CCDC60: variants seen among roughly 807,000 people sequenced by gnomAD.
CCDC60 encodes the protein coiled-coil domain-containing protein 60.
A neutral mutation model predicts 63.5 loss-of-function variants in CCDC60; 54 were observed. That is an observed-to-expected ratio of 0.85 (90% confidence interval 0.68 to 1.07). CCDC60 has a LOEUF of 1.07. Among genes scored for constraint, CCDC60 ranks in the 50% least tolerant of loss-of-function variants. The probability of loss-of-function intolerance (pLI) is 0.00; values close to 1 mark genes in which losing one functional copy is unlikely to be tolerated. For missense variants in CCDC60, 651 were observed against 684.3 expected (o/e 0.95, Z 0.54); for synonymous variants, 206 against 238.8 (o/e 0.86, Z 1.27).
In CCDC60 at chr12:119,516,705, C is replaced by T. The variant is rs1300612688; in HGVS notation, c.966C>T (p.Pro322=). The change falls in exon 8 of 14, where the codon CCC becomes CCT. Residue 322 remains proline, a splice_region_variant and synonymous_variant. Transcript: ENST00000327554. Reference sequence around the variant, plus strand: ...AAAATGGGATGCAAAGAAAAGCACCCAGGTATGTGCTCTTGACTCCTGGGG... The same window carrying T: ...AAAATGGGATGCAAAGAAAAGCACCTAGGTATGTGCTCTTGACTCCTGGGG... ...TIENGMQRKA[P]SILSVLKQNK... The T allele has an allele frequency of 5.0e-6, 8 of 1,607,646 alleles. No homozygotes were observed. In the African/African-American group the frequency reaches 9.4e-5, roughly 19 times the overall value.
At chr12:119,466,522 G>A (rs2136316021) in intron 2 of CCDC60, among the ~76,000 whole-genome samples, 1 of 152,220 alleles carries the variant, frequency 6.6e-6, no homozygotes, top group East Asian at 1.9e-4. Context: ...GACTACTGAT[G>A]GATTTCAAGC....
At position 119,507,563 on chromosome 12, in the gene CCDC60, TATATATGTATATATACACATATATATAC is replaced by T. The variant is rs1472137897; in HGVS notation, c.883+2267_883+2294del. ...ACACATATATATACATATATATATA[TATATATGTATATATACACATATATATAC>T]ATATATATATATATATATATATATT... On this transcript the variant is annotated intron_variant, in intron 7 of 13. Transcript: ENST00000327554. Among the ~76,000 whole-genome samples, 20 of 66,964 alleles carry T rather than the reference TATATATGTATATATACACATATATATAC, an allele frequency of 3.0e-4. 3 individuals carry two copies. Among genetic ancestry groups the T allele is most frequent in the African/African-American group, 1.5e-3 (18 of 11,804 alleles). The allele number at this position is 66,964 out of a possible 152,430, so 43.9% of individuals were successfully genotyped here. A position where few individuals can be genotyped will look rare whatever the true frequency, so the allele number is the denominator to read the frequency against.
intron 2 of CCDC60, among the ~76,000 whole-genome samples, chr12:119,431,954 C>T: frequency 6.6e-6 from 1 of 152,210 alleles, no homozygotes; most frequent in East Asian, 1.9e-4. Flanking sequence ...GCTGGGATTA[C>T]AGGTGTAAGC....
chr12:119,383,454 T>G (rs901429004), intron 1 of CCDC60, among the ~76,000 whole-genome samples: 19 of 152,140 alleles, frequency 1.2e-4, no homozygotes, highest in Non-Finnish European at 2.5e-4. Context: ...GATTTCCTTA[T>G]CTGGAACTTG....
intron 1 of CCDC60, among the ~76,000 whole-genome samples, chr12:119,382,806 C>A (rs979682820): frequency 1.3e-5 from 2 of 152,164 alleles, no homozygotes; most frequent in African/African-American, 4.8e-5. Context: ...TTTCATGTTT[C>A]CCCAAACATG....
intron 2 of CCDC60, among the ~76,000 whole-genome samples, chr12:119,443,156 C>T (rs1296931515): frequency 3.9e-5 from 6 of 152,344 alleles, no homozygotes; most frequent in Middle Eastern, 3.4e-3. Flanking sequence ...CAGTAACATC[C>T]TAGGCTCAGC....
At chr12:119,475,029 A>T (rs922106143) in intron 3 of CCDC60, among the ~76,000 whole-genome samples, 5 of 152,148 alleles carry the variant, frequency 3.3e-5, no homozygotes, top group Non-Finnish European at 7.4e-5. Context: ...CCTCCCCCAG[A>T]ATCATGGCTG....
At chr12:119,519,467 A>T (rs12822069) in intron 8 of CCDC60, among the ~76,000 whole-genome samples, 10,898 of 95,124 alleles carry the variant, frequency 0.11, 553 homozygotes, top group African/African-American at 0.12. Flanking sequence ...ATATATATAT[A>T]TTTTTTTTTT....
chr12:119,452,297 A>G (rs938544255), intron 2 of CCDC60, among the ~76,000 whole-genome samples: 1 of 152,176 alleles, frequency 6.6e-6, no homozygotes, highest in Non-Finnish European at 1.5e-5. Flanking sequence ...TGAATATCCA[A>G]TTTAGAATTG....
chr12:119,469,878 G>T (rs1951023163), intron 2 of CCDC60, among the ~76,000 whole-genome samples: 3 of 152,210 alleles, frequency 2.0e-5, no homozygotes, highest in South Asian at 4.1e-4. Flanking sequence ...GCATATAACA[G>T]AATGTTTTGT....
chr12:119,377,961 GAA>G (rs1400125259), intron 1 of CCDC60, among the ~76,000 whole-genome samples: 5 of 152,232 alleles, frequency 3.3e-5, no homozygotes, highest in Non-Finnish European at 7.3e-5. Flanking sequence ...GAAAGAAAGA[GAA>G]AAGAGAATAG....
At chr12:119,440,536 A>C (rs1269093921) in intron 2 of CCDC60, among the ~76,000 whole-genome samples, 1 of 152,202 alleles carries the variant, frequency 6.6e-6, no homozygotes, top group South Asian at 2.1e-4. Flanking sequence ...TCTCAAAATA[A>C]ATAAACAAAT....
intron 1 of CCDC60, among the ~76,000 whole-genome samples, chr12:119,359,078 G>A (rs1294630263): frequency 6.6e-6 from 1 of 152,198 alleles, no homozygotes; most frequent in South Asian, 2.1e-4. Flanking sequence ...GAAATTTCCA[G>A]TTGCTCCACA....
chr12:119,364,792 G>C (rs1041521087), intron 1 of CCDC60, among the ~76,000 whole-genome samples: 2 of 152,226 alleles, frequency 1.3e-5, no homozygotes, highest in East Asian at 3.8e-4. Context: ...AGCATGATGA[G>C]TGTTGCAGAA....
At chr12:119,418,488 C>T (rs1452910317) in intron 1 of CCDC60, among the ~76,000 whole-genome samples, 1 of 131,824 alleles carries the variant, frequency 7.6e-6, no homozygotes, top group African/African-American at 2.9e-5. Flanking sequence ...AATCTCAGTT[C>T]ACTGCAGCCT....
intron 2 of CCDC60, among the ~76,000 whole-genome samples, chr12:119,451,036 T>C (rs1950625588): frequency 6.6e-6 from 1 of 151,912 alleles, no homozygotes; most frequent in Non-Finnish European, 1.5e-5. Context: ...AGGGGAGAGA[T>C]GATGACAGCT....
At chr12:119,472,266 G>T in intron 3 of CCDC60, 102 bp downstream of exon 3, 1 of 1,090,156 alleles carries the variant, frequency 9.2e-7, no homozygotes, top group East Asian at 2.4e-5. Flanking sequence ...CTCAGAGCAC[G>T]TGCCCCTTCT....
intron 4 of CCDC60, among the ~76,000 whole-genome samples, chr12:119,484,389 A>T (rs1421006740): frequency 6.6e-6 from 1 of 151,716 alleles, no homozygotes; most frequent in Non-Finnish European, 1.5e-5. Context: ...TTTTGTTACT[A>T]CTCTTTATTA....
intron 1 of CCDC60, among the ~76,000 whole-genome samples, chr12:119,424,917 TGAG>T (rs1223775661): frequency 1.3e-5 from 2 of 152,080 alleles, no homozygotes; most frequent in African/African-American, 4.8e-5. Flanking sequence ...GGTGTCAAGT[TGAG>T]GACGCAATTC....
Sources: allele counts gnomAD v4.1 joint callset (sites outside exome capture counted in the v4.1 genomes callset), GRCh38; gene constraint gnomAD v4.1.1; transcripts MANE v1.5; gene names NCBI Gene and HGNC (gene_info 2026-07-23, HGNC 2026-07-21).